The following PSMD14 variants were observed in gnomAD, a reference collection of about 807,000 sequenced individuals.
The protein encoded by PSMD14 is proteasome 26S subunit, non-ATPase 14, also known as ubiquitin C-terminal hydrolase PSMD14.
A neutral mutation model predicts 41.2 loss-of-function variants in PSMD14; 7 were observed. That is an observed-to-expected ratio of 0.17 (90% CI 0.10 to 0.32). The LOEUF (loss-of-function observed/expected upper bound fraction) is 0.32, where lower values mean the gene tolerates loss of function less well. Among genes scored for constraint, PSMD14 ranks in the 10% least tolerant of loss-of-function variants. The probability of loss-of-function intolerance (pLI) is 1.00; values close to 1 mark genes in which losing one functional copy is unlikely to be tolerated. For synonymous variants in PSMD14, 114 were observed against 122.3 expected, an observed-to-expected ratio of 0.93 and a Z score of 0.45; for missense variants, 139 against 375.6, an observed-to-expected ratio of 0.37 and a Z score of 5.21.
intron 1 of PSMD14, among the ~76,000 whole-genome samples, chr2:161,315,327 T>C (rs1689134903): frequency 2.0e-5 from 3 of 152,246 alleles, no homozygotes; most frequent in African/African-American, 7.2e-5. Context: ...GCTAATTTTA[T>C]TGTCATCATT....
intron 7 of PSMD14, among the ~76,000 whole-genome samples, chr2:161,374,339 T>C (rs1415461376): frequency 6.6e-6 from 1 of 152,008 alleles, no homozygotes; most frequent in African/African-American, 2.4e-5. Flanking sequence ...TGTTGTTCAA[T>C]TAATTTTAAA....
rs529135209 is a variant in PSMD14, at chr2:161,391,295, T to C, written c.645+117T>C. 3.4e-5 allele frequency: 35 copies of C among 1,035,624 alleles called. No homozygotes were observed. In the South Asian group the frequency reaches 8.5e-4, roughly 25 times the overall value. The allele number at this position is 1,035,624 out of a possible 1,614,324, so 64.2% of individuals were successfully genotyped here. The stretch of plus-strand genomic sequence containing the variant: ...GACCTCTTTCAGTGTTTCCAAATAT[T>C]ATTCCATTATTGATGAATTGCAGCA... On this transcript the variant is annotated intron_variant, in intron 9 of 11. Coordinates refer to ENST00000409682, the MANE Select transcript of PSMD14 (RefSeq NM_005805.6).
chr2:161,361,549 T>C (rs1559047241), intron 3 of PSMD14, among the ~76,000 whole-genome samples: 1 of 152,030 alleles, frequency 6.6e-6, no homozygotes, highest in Non-Finnish European at 1.5e-5. Context: ...GTTTTATAAC[T>C]CTAACATAAT....
intron 3 of PSMD14, among the ~76,000 whole-genome samples, chr2:161,347,039 C>A (rs1683054834): frequency 6.6e-6 from 1 of 152,152 alleles, no homozygotes; most frequent in Non-Finnish European, 1.5e-5. Flanking sequence ...TCAGCTCTGT[C>A]ATCTCAACTC....
At chr2:161,361,386 A>G (rs1281003516) in intron 3 of PSMD14, among the ~76,000 whole-genome samples, 1 of 152,182 alleles carries the variant, frequency 6.6e-6, no homozygotes, top group Non-Finnish European at 1.5e-5. Flanking sequence ...GATTATAACA[A>G]TTAGCCACAG....
chr2:161,326,129 C>G (rs1223991820), intron 3 of PSMD14, among the ~76,000 whole-genome samples: 1 of 152,170 alleles, frequency 6.6e-6, no homozygotes, highest in African/African-American at 2.4e-5. Context: ...CCTCCACCTC[C>G]TGGACTCAAG....
chr2:161,341,829 C>G (rs1462398788), intron 3 of PSMD14, among the ~76,000 whole-genome samples: 1 of 140,508 alleles, frequency 7.1e-6, no homozygotes, highest in Non-Finnish European at 1.5e-5. Context: ...CAGAACAAGT[C>G]TCCTTCTCCA....
At chr2:161,335,732 C>G (rs1000480786) in intron 3 of PSMD14, among the ~76,000 whole-genome samples, 1 of 152,168 alleles carries the variant, frequency 6.6e-6, no homozygotes, top group Non-Finnish European at 1.5e-5. Flanking sequence ...GGATAAATTC[C>G]TAGGAGTGGA....
chr2:161,349,018 G>A (rs370975826), intron 3 of PSMD14, among the ~76,000 whole-genome samples: 5 of 152,224 alleles, frequency 3.3e-5, no homozygotes, highest in South Asian at 2.1e-4. Context: ...TCCCAGAGAG[G>A]CATCTTTCTA....
At chr2:161,352,178 TTTTATAAG>T (rs1683127568) in intron 3 of PSMD14, among the ~76,000 whole-genome samples, 1 of 152,170 alleles carries the variant, frequency 6.6e-6, no homozygotes, top group Admixed American at 6.5e-5. Context: ...GAAATCCTTG[TTTTATAAG>T]TTTATATCAG....
At chr2:161,334,903 A>G (rs1318721269) in intron 3 of PSMD14, among the ~76,000 whole-genome samples, 1 of 152,222 alleles carries the variant, frequency 6.6e-6, no homozygotes, top group African/African-American at 2.4e-5. Context: ...TTAATTCCTC[A>G]GAAACAGGCA....
chr2:161,357,375 G>A (rs1355301278), intron 3 of PSMD14, among the ~76,000 whole-genome samples: 1 of 152,090 alleles, frequency 6.6e-6, no homozygotes, highest in Admixed American at 6.5e-5. Context: ...GCTTGTGCCT[G>A]TGGCTCAGCT....
chr2:161,346,456 T>A (rs1328229356), intron 3 of PSMD14, among the ~76,000 whole-genome samples: 1 of 151,758 alleles, frequency 6.6e-6, no homozygotes, highest in Non-Finnish European at 1.5e-5. Context: ...TTAACATCTT[T>A]GTCAGTGCTC....
Position 161,395,154 on chromosome 2 carries a change from A to G in PSMD14, c.722A>G (p.Asn241Ser), listed in dbSNP as rs1292240651. 9.4e-6 allele frequency: 15 copies of G among 1,600,158 alleles called. No individual in the cohort carries two copies. The highest frequency in any genetic ancestry group is 2.3e-5 in the South Asian group (2 of 88,204). ...LQDYSEHCKH[N>S]ESVVKEMLEL... is the part of the protein sequence containing the mutation. ...GACTACAGTGAACATTGTAAACACA[A>G]TGAATCAGTGGTAAAAGAGATGTTG... The change falls in exon 10 of 12, where the codon AAT becomes AGT. Residue 241 changes from asparagine to serine, a missense_variant. Asn to Ser is a conservative substitution (Grantham distance 46). Transcript: ENST00000409682.
intron 8 of PSMD14, among the ~76,000 whole-genome samples, chr2:161,390,418 T>TG (rs1683696558): frequency 6.6e-6 from 1 of 152,136 alleles, no homozygotes; most frequent in Non-Finnish European, 1.5e-5. Context: ...GAGTTAGATA[T>TG]GGGGGCAGTT....
At chr2:161,378,326 C>CA (rs994472512) in intron 7 of PSMD14, among the ~76,000 whole-genome samples, 2 of 151,728 alleles carry the variant, frequency 1.3e-5, no homozygotes, top group African/African-American at 4.8e-5. Context: ...TAGCATGTCA[C>CA]AAAAAAGTAT....
At chr2:161,335,631 T>C (rs114414258) in intron 3 of PSMD14, among the ~76,000 whole-genome samples, 89 of 152,372 alleles carry the variant, frequency 5.8e-4, no homozygotes, top group African/African-American at 2.1e-3. Context: ...TCTACTGATA[T>C]ACACTTAGGT....
intron 7 of PSMD14, among the ~76,000 whole-genome samples, chr2:161,371,966 T>C (rs1683482287): frequency 6.7e-6 from 1 of 149,912 alleles, no homozygotes; most frequent in South Asian, 2.1e-4. Flanking sequence ...ATTCATTCTT[T>C]CTTTTTTTTT....
chr2:161,331,593 G>C (rs575422811), intron 3 of PSMD14, among the ~76,000 whole-genome samples: 14 of 152,228 alleles, frequency 9.2e-5, no homozygotes, highest in Admixed American at 2.0e-4. Context: ...ATTCTATAAG[G>C]CTTTTGCCTT....
Sources: gnomAD v4.1 joint callset for allele counts (sites outside exome capture counted in the v4.1 genomes callset) on GRCh38, gnomAD v4.1.1 for gene constraint, MANE v1.5 for transcripts, NCBI Gene and HGNC (gene_info 2026-07-23, HGNC 2026-07-21) for gene names.